The following VWA8 variants were observed in gnomAD, a reference collection of about 807,000 sequenced individuals.
The protein encoded by VWA8 is von Willebrand factor A domain containing 8.
In VWA8, 221 loss-of-function variants were observed where a neutral mutation model predicts 241.5. The observed-to-expected ratio is 0.91, with a 90% CI of 0.82 to 1.02. VWA8 has a LOEUF of 1.02. VWA8 is among the 50% of genes least tolerant of loss of function. The probability of loss-of-function intolerance (pLI) is 0.00; values close to 1 mark genes in which losing one functional copy is unlikely to be tolerated. For synonymous variants in VWA8, 852 were observed against 827.1 expected (o/e 1.03, Z -0.52); for missense variants, 2,322 against 2,328.7 (o/e 1.00, Z 0.06).
At chr13:41,799,260 A>G (rs761014542) in intron 17 of VWA8, among the ~76,000 whole-genome samples, 1 of 152,170 alleles carries the variant, frequency 6.6e-6, no homozygotes, top group African/African-American at 2.4e-5. Flanking sequence ...TGATCTTGTA[A>G]AAGTATTTGC....
At chr13:41,696,943 T>C (rs886251478) in intron 29 of VWA8, among the ~76,000 whole-genome samples, 1 of 152,242 alleles carries the variant, frequency 6.6e-6, no homozygotes, top group African/African-American at 2.4e-5. Context: ...TTCAGTCTCA[T>C]GGCTTTAAAG....
intron 9 of VWA8, among the ~76,000 whole-genome samples, chr13:41,874,976 A>G (rs919618715): frequency 3.3e-5 from 5 of 152,146 alleles, no homozygotes; most frequent in African/African-American, 1.2e-4. Flanking sequence ...ATACTTTACT[A>G]GAATGTAAGC....
chr13:41,669,563 C>T (rs1433531566), intron 37 of VWA8, among the ~76,000 whole-genome samples: 1 of 152,144 alleles, frequency 6.6e-6, no homozygotes, highest in African/African-American at 2.4e-5. Flanking sequence ...ATTTTTGTAG[C>T]AGTCAAGCAC....
chr13:41,903,820 T>A (rs1020034626), intron 4 of VWA8, among the ~76,000 whole-genome samples: 2 of 152,152 alleles, frequency 1.3e-5, no homozygotes, highest in Non-Finnish European at 1.5e-5. Context: ...AGGATCTGAT[T>A]ATGAACAGCA....
intron 29 of VWA8, among the ~76,000 whole-genome samples, chr13:41,696,709 T>A (rs139632756): frequency 2.6e-5 from 4 of 152,288 alleles, no homozygotes; most frequent in African/African-American, 9.6e-5. Flanking sequence ...TGTTATGTCA[T>A]CAGCATTTAA....
At chr13:41,800,528 C>T (rs9594632) in intron 17 of VWA8, among the ~76,000 whole-genome samples, 2,368 of 152,164 alleles carry the variant, frequency 0.016, 60 homozygotes, top group African/African-American at 0.054. Context: ...CTGGCTCACA[C>T]CTGTAATTCT....
intron 21 of VWA8, among the ~76,000 whole-genome samples, chr13:41,739,104 T>G (rs2045547201): frequency 6.6e-6 from 1 of 152,186 alleles, no homozygotes; most frequent in Admixed American, 6.5e-5. Context: ...CTTTAGAGAT[T>G]GGAGGAGTAT....
intron 21 of VWA8, among the ~76,000 whole-genome samples, chr13:41,744,116 G>A (rs892222856): frequency 6.6e-6 from 1 of 152,308 alleles, no homozygotes; most frequent in Middle Eastern, 3.4e-3. Flanking sequence ...TCCAGGTGGG[G>A]TAACTGAGTA....
intron 21 of VWA8, among the ~76,000 whole-genome samples, chr13:41,759,580 T>C (rs2045725100): frequency 6.6e-6 from 1 of 151,744 alleles, no homozygotes; most frequent in Admixed American, 6.6e-5. Flanking sequence ...TTTAGGGTTG[T>C]CATTTTTACA....
At chr13:41,786,920 T>C (rs1040848415) in intron 18 of VWA8, among the ~76,000 whole-genome samples, 5 of 151,936 alleles carry the variant, frequency 3.3e-5, no homozygotes, top group Non-Finnish European at 7.4e-5. Context: ...TTTATGGCTA[T>C]CCAGAAGAAA....
At chr13:41,913,820 T>C (rs752077363) in intron 2 of VWA8, among the ~76,000 whole-genome samples, 1 of 152,250 alleles carries the variant, frequency 6.6e-6, no homozygotes, top group Non-Finnish European at 1.5e-5. Flanking sequence ...GGTTTCTCTC[T>C]TGTTTTTACA....
chr13:41,805,328 T>A (rs770918134), intron 17 of VWA8, among the ~76,000 whole-genome samples: 8 of 152,180 alleles, frequency 5.3e-5, no homozygotes, highest in Non-Finnish European at 1.2e-4. Context: ...CTAAGAAGAC[T>A]GCTATACAAT....
At chr13:41,721,293 T>C in intron 25 of VWA8, 77 bp downstream of exon 25, 1 of 1,438,718 alleles carries the variant, frequency 7.0e-7, no homozygotes, top group Non-Finnish European at 9.5e-7. Context: ...AATTAAAAAC[T>C]CTGGTACAAA....
intron 17 of VWA8, among the ~76,000 whole-genome samples, chr13:41,790,939 C>CA (rs999723421): frequency 3.6e-4 from 54 of 151,072 alleles, no homozygotes; most frequent in African/African-American, 1.2e-3. Flanking sequence ...ATTACATTAA[C>CA]AAAAAAAAGC....
intron 38 of VWA8, among the ~76,000 whole-genome samples, chr13:41,612,921 C>G (rs2045586042): frequency 6.6e-6 from 1 of 152,150 alleles, no homozygotes; most frequent in Non-Finnish European, 1.5e-5. Context: ...TTATTTACTT[C>G]ATGGGATTGT....
At chr13:41,947,039 A>C (rs1417915108) in intron 2 of VWA8, among the ~76,000 whole-genome samples, 1 of 152,144 alleles carries the variant, frequency 6.6e-6, no homozygotes, top group Non-Finnish European at 1.5e-5. Context: ...CTTAGCCAGA[A>C]TCTCCCTTAA....
intron 2 of VWA8, among the ~76,000 whole-genome samples, chr13:41,935,434 C>T (rs1243074129): frequency 1.3e-5 from 2 of 151,940 alleles, no homozygotes; most frequent in Non-Finnish European, 2.9e-5. Context: ...ATTTCTTAAA[C>T]ATAAAGCATG....
intron 2 of VWA8, among the ~76,000 whole-genome samples, chr13:41,946,537 G>C (rs535955759): frequency 1.3e-5 from 2 of 152,138 alleles, no homozygotes; most frequent in South Asian, 4.1e-4. Flanking sequence ...GAAGGGAACA[G>C]AGCTACATTG....
chr13:41,904,704 T>G (rs543729537), intron 4 of VWA8, among the ~76,000 whole-genome samples: 52 of 152,158 alleles, frequency 3.4e-4, no homozygotes, highest in Non-Finnish European at 3.7e-4. Flanking sequence ...AGCCTAAATC[T>G]TCACATAAGT....
Sources: allele counts gnomAD v4.1 joint callset (sites outside exome capture counted in the v4.1 genomes callset), GRCh38; gene constraint gnomAD v4.1.1; transcripts MANE v1.5; gene names NCBI Gene and HGNC (gene_info 2026-07-23, HGNC 2026-07-21).